PDXDC1: variants seen among roughly 807,000 people sequenced by gnomAD.
The protein encoded by PDXDC1 is pyridoxal-dependent decarboxylase domain-containing protein 1.
A neutral mutation model predicts 100.1 loss-of-function variants in PDXDC1; 42 were observed. The ratio of observed to expected loss-of-function variants is 0.42; its 90% CI spans 0.33 to 0.54. The LOEUF (loss-of-function observed/expected upper bound fraction) is 0.54, where lower values mean the gene tolerates loss of function less well. Ranked by LOEUF, PDXDC1 falls within the 20% of genes least tolerant of loss-of-function variation. The pLI is 0.10. For missense variants in PDXDC1, 636 were observed against 979.2 expected (o/e 0.65, Z 4.68); for synonymous variants, 260 against 371.7 (o/e 0.70, Z 3.46).
At chr16:15,083,127 T>C (rs1332589567) in intron 16 of PDXDC1, among the ~76,000 whole-genome samples, 1 of 152,188 alleles carries the variant, frequency 6.6e-6, no homozygotes, top group Non-Finnish European at 1.5e-5. Flanking sequence ...TAACATTAGC[T>C]GGGCACAGTG....
intron 1 of PDXDC1, among the ~76,000 whole-genome samples, chr16:14,981,975 C>T (rs2151167491): frequency 6.6e-6 from 1 of 152,336 alleles, no homozygotes; most frequent in South Asian, 2.1e-4. Flanking sequence ...ATTACAGGCG[C>T]CCACCACCGC....
chr16:15,142,509 C>T (rs1364839303), downstream of PDXDC1, among the ~76,000 whole-genome samples: 8 of 151,924 alleles, frequency 5.3e-5, no homozygotes, highest in Non-Finnish European at 1.5e-5. Context: ...AGTCCCCCAG[C>T]CCCCAGGGTG....
chr16:15,057,820 G>T (rs2044580302), intron 16 of PDXDC1, among the ~76,000 whole-genome samples: 1 of 152,222 alleles, frequency 6.6e-6, no homozygotes, highest in Admixed American at 6.5e-5. Context: ...TGTGGGTTCT[G>T]CCTGGGGCTG....
intron 1 of PDXDC1, among the ~76,000 whole-genome samples, chr16:14,984,399 TG>T (rs1968762692): frequency 3.9e-5 from 2 of 50,718 alleles, no homozygotes; most frequent in Non-Finnish European, 8.0e-5. Flanking sequence ...TGTGTTTGTG[TG>T]GGTTTTTTTT....
the PDXDC1 span, among the ~76,000 whole-genome samples, chr16:15,145,634 C>T: frequency 1.3e-5 from 2 of 152,256 alleles, no homozygotes; most frequent in Non-Finnish European, 2.9e-5. Flanking sequence ...AGATGTAGCC[C>T]TTCTCCTGCC....
intron 16 of PDXDC1, chr16:15,132,657 G>A: frequency 4.1e-6 from 3 of 736,684 alleles, no homozygotes; most frequent in Middle Eastern, 3.7e-4. Flanking sequence ...CGTCTGCCCT[G>A]GGGGGCTGAA....
At chr16:15,124,880 G>A (rs1321452302) in intron 16 of PDXDC1, among the ~76,000 whole-genome samples, 2 of 151,914 alleles carry the variant, frequency 1.3e-5, no homozygotes, top group African/African-American at 2.4e-5. Context: ...TGGGCATGGT[G>A]GCTCACGCCT....
chr16:15,042,864 C>G (rs531190840), downstream of PDXDC1, among the ~76,000 whole-genome samples: 4 of 151,398 alleles, frequency 2.6e-5, no homozygotes, highest in South Asian at 2.1e-4. Context: ...TCCTGAATAG[C>G]TGGGATTACA....
chr16:15,049,432 TTA>T (rs2044211732), intron 16 of PDXDC1, among the ~76,000 whole-genome samples: 2 of 133,602 alleles, frequency 1.5e-5, no homozygotes, highest in African/African-American at 5.2e-5. Context: ...TTCTTTTATC[TTA>T]TTTTTTTTTT....
downstream of PDXDC1, among the ~76,000 whole-genome samples, chr16:15,040,758 T>TG (rs1485722968): frequency 6.6e-6 from 1 of 152,070 alleles, no homozygotes; most frequent in Non-Finnish European, 1.5e-5. Context: ...CCTGGGGTGC[T>TG]GGGGGGAGAG....
chr16:15,061,957 C>A, intron 16 of PDXDC1: 1 of 1,525,576 alleles, frequency 6.6e-7, no homozygotes, highest in Non-Finnish European at 9.0e-7. Context: ...GACTGAAAAG[C>A]TTTCAACAAT....
intron 16 of PDXDC1, among the ~76,000 whole-genome samples, chr16:15,075,495 C>T (rs947176205): frequency 2.5e-4 from 37 of 151,008 alleles, no homozygotes; most frequent in African/African-American, 8.8e-4. Context: ...CACTTGGGCC[C>T]AGGAGGTCGA....
At chr16:15,058,046 T>A (rs564599030) in intron 16 of PDXDC1, among the ~76,000 whole-genome samples, 2 of 152,320 alleles carry the variant, frequency 1.3e-5, no homozygotes, top group South Asian at 4.1e-4. Flanking sequence ...GCACTGCGGC[T>A]CATGCCTGTA....
chr16:15,010,708 T>C (rs1017113394), intron 8 of PDXDC1, among the ~76,000 whole-genome samples: 2 of 152,284 alleles, frequency 1.3e-5, no homozygotes, highest in African/African-American at 4.8e-5. Flanking sequence ...AAACTTTGTT[T>C]GCAGGCATGA....
intron 16 of PDXDC1, chr16:15,131,700 G>C: frequency 6.5e-7 from 1 of 1,537,714 alleles, no homozygotes; most frequent in South Asian, 1.2e-5. Flanking sequence ...CCAGGTGGAT[G>C]AGGTCTCCTG....
intron 1 of PDXDC1, among the ~76,000 whole-genome samples, chr16:14,983,459 G>C (rs1242382725): frequency 1.3e-5 from 2 of 152,070 alleles, no homozygotes; most frequent in Non-Finnish European, 2.9e-5. Context: ...TGTGGTCCCA[G>C]CTAATTGGGA....
chr16:15,061,694 C>T (rs762928981), intron 16 of PDXDC1: 12 of 1,567,278 alleles, frequency 7.7e-6, no homozygotes, highest in Middle Eastern at 2.1e-4. Context: ...GAGGGCATGA[C>T]AAGTGATGGG....
At chr16:15,041,622 C>A (rs780097202), downstream of PDXDC1, 5 of 1,608,274 alleles carry the variant, frequency 3.1e-6, no homozygotes, top group Non-Finnish European at 3.4e-6. Flanking sequence ...GCAGGACTTA[C>A]CTGTCACACA....
chr16:15,021,500 G>T (rs1347061197), intron 12 of PDXDC1, among the ~76,000 whole-genome samples: 1 of 152,304 alleles, frequency 6.6e-6, no homozygotes, highest in Non-Finnish European at 1.5e-5. Context: ...TCTTAGGAAA[G>T]AGAAGCCTTA....
Sources: allele counts gnomAD v4.1 joint callset (sites outside exome capture counted in the v4.1 genomes callset), GRCh38; gene constraint gnomAD v4.1.1; transcripts MANE v1.5; gene names NCBI Gene and HGNC (gene_info 2026-07-23, HGNC 2026-07-21).